The following SPIRE1 variants were observed in gnomAD, a reference collection of about 807,000 sequenced individuals.
The protein encoded by SPIRE1 is spire type actin nucleation factor 1.
A neutral mutation model predicts 94.1 loss-of-function variants in SPIRE1; 40 were observed. The observed-to-expected ratio is 0.43, with a 90% CI of 0.33 to 0.55. The LOEUF is 0.55. Ranked by LOEUF, SPIRE1 falls within the 20% of genes least tolerant of loss-of-function variation. The pLI is 0.06. For missense variants in SPIRE1, 838 were observed against 975.2 expected (o/e 0.86, Z 1.87); for synonymous variants, 376 against 371.7 (o/e 1.01, Z -0.13).
Position 12,546,864 on chromosome 18 carries a change from TC to T in SPIRE1, c.412del (p.Asp138ThrfsTer4). The T allele has an allele frequency of 6.2e-7, 1 of 1,614,018 alleles. No homozygotes were observed. ...TTCTTCATTCTCCTTCAAACCATAGTCCAGTGCTTTATAAATAATAATTCCC... is the reference window on the plus strand; with the variant it reads ...TTCTTCATTCTCCTTCAAACCATAGTCAGTGCTTTATAAATAATAATTCCC... ...SLGIIIYKAL[D>X]YGLKENEERE... is the part of the protein sequence containing the mutation. On this transcript the variant is annotated frameshift_variant, in exon 3 of 17. Transcript: ENST00000409402. LOFTEE classifies it high-confidence loss of function.
Position 12,608,108 on chromosome 18 carries a change from A to C in SPIRE1, c.372+26954T>G, listed in dbSNP as rs1241854013. Reference sequence around the variant, plus strand: ...GGGTGGCGGAGCTTGCAGTGAGCCGAGATCGCGCCACTGCACTCCAGCCTG... The same window carrying C: ...GGGTGGCGGAGCTTGCAGTGAGCCGCGATCGCGCCACTGCACTCCAGCCTG... On this transcript the variant is annotated intron_variant, in intron 2 of 16. Coordinates refer to ENST00000409402, the MANE Select transcript of SPIRE1 (RefSeq NM_001128626.2). Among the ~76,000 whole-genome samples, 3 of 150,846 alleles carry C rather than the reference A, an allele frequency of 2.0e-5. No individual in the cohort carries two copies. The Admixed American group carries it at 2.0e-4, about 10-fold the overall frequency.
At chr18:12,524,869 C>A (rs2034458608) in intron 4 of SPIRE1, among the ~76,000 whole-genome samples, 1 of 151,902 alleles carries the variant, frequency 6.6e-6, no homozygotes, top group South Asian at 2.1e-4. Context: ...GTCCTAGCTA[C>A]TTGAGATGCT....
At position 12,579,202 on chromosome 18, in the gene SPIRE1, C is replaced by CACAT. The variant is rs1246579722; in HGVS notation, c.373-32299_373-32298insATGT. Among the ~76,000 whole-genome samples, 5 of 55,064 alleles carry CACAT rather than the reference C, an allele frequency of 9.1e-5. No individual in the cohort carries two copies. The East Asian group carries it at 1.6e-3, about 18-fold the overall frequency. 36.1% of individuals were successfully genotyped at this position (55,064 alleles called of 152,430 possible). ...GAAAAAGTTTACACACACACACATACACACACACACACACACACACACACA... is the reference window on the plus strand; with the variant it reads ...GAAAAAGTTTACACACACACACATACACATACACACACACACACACACACACACA... On this transcript the variant is annotated intron_variant, in intron 2 of 16. Coordinates refer to ENST00000409402, the MANE Select transcript of SPIRE1 (RefSeq NM_001128626.2).
chr18:12,486,365 T>C (rs996964402), intron 8 of SPIRE1, among the ~76,000 whole-genome samples: 1 of 152,338 alleles, frequency 6.6e-6, no homozygotes, highest in East Asian at 1.9e-4. Context: ...TTAGGGAACA[T>C]ACAACATCTT....
chr18:12,513,733 G>C (rs1395379555), intron 4 of SPIRE1, among the ~76,000 whole-genome samples: 1 of 152,174 alleles, frequency 6.6e-6, no homozygotes, highest in East Asian at 1.9e-4. Context: ...ATGTCGGTCA[G>C]GCTGTTCTCA....
chr18:12,535,210 C>T (rs1422420296), intron 4 of SPIRE1, among the ~76,000 whole-genome samples: 1 of 152,142 alleles, frequency 6.6e-6, no homozygotes, highest in African/African-American at 2.4e-5. Flanking sequence ...TGAACTAGTT[C>T]AGTAGCATTT....
intron 16 of SPIRE1, 44 bp downstream of exon 16, chr18:12,452,208 CTCT>C (rs768533096): frequency 2.7e-4 from 434 of 1,610,972 alleles, no homozygotes; most frequent in Middle Eastern, 6.2e-4. Flanking sequence ...AAGAGTAGAA[CTCT>C]TCTTCTGCAA....
intron 2 of SPIRE1, among the ~76,000 whole-genome samples, chr18:12,615,445 T>C (rs1209329858): frequency 3.9e-5 from 5 of 126,732 alleles, no homozygotes; most frequent in Admixed American, 3.3e-4. Flanking sequence ...GAGGCTGAGG[T>C]AGGAGAATTG....
In SPIRE1 at chr18:12,466,258, A is replaced by G. The variant is rs145155083; in HGVS notation, c.1405-1300T>C. Among the ~76,000 whole-genome samples the G allele has an allele frequency of 5.4e-3, 816 of 152,138 alleles. 5 individuals are homozygous for G. Among genetic ancestry groups the G allele is most frequent in the African/African-American group, 0.019 (771 of 41,506 alleles). On this transcript the variant is annotated intron_variant, in intron 10 of 16. Coordinates refer to ENST00000409402, the MANE Select transcript of SPIRE1 (RefSeq NM_001128626.2). The stretch of plus-strand genomic sequence containing the variant: ...TATGCGAGATAAACATTTACTTGTA[A>G]TTTCTACTTAGTATCTATAGATATA...
intron 9 of SPIRE1, among the ~76,000 whole-genome samples, chr18:12,480,521 C>T (rs1367130080): frequency 5.3e-5 from 8 of 152,114 alleles, no homozygotes; most frequent in Admixed American, 3.9e-4. Flanking sequence ...TACTAACAGA[C>T]GTGGGCTTGT....
At chr18:12,637,267 G>A (rs545098683) in intron 1 of SPIRE1, among the ~76,000 whole-genome samples, 1 of 151,626 alleles carries the variant, frequency 6.6e-6, no homozygotes, top group Admixed American at 6.6e-5. Context: ...GCTGAGGCAG[G>A]AGAATGGCGT....
intron 5 of SPIRE1, among the ~76,000 whole-genome samples, chr18:12,512,004 T>G (rs1289952367): frequency 6.6e-6 from 1 of 152,190 alleles, no homozygotes; most frequent in Non-Finnish European, 1.5e-5. Context: ...CTTCCTGCCT[T>G]GGCCTCCCCA....
At chr18:12,635,865 C>G (rs1004536403) in intron 1 of SPIRE1, among the ~76,000 whole-genome samples, 2 of 151,560 alleles carry the variant, frequency 1.3e-5, no homozygotes, top group Non-Finnish European at 1.5e-5. Flanking sequence ...ATACTGCGTA[C>G]TAGAAAATTG....
At chr18:12,456,978 C>T (rs2031535669) in intron 12 of SPIRE1, among the ~76,000 whole-genome samples, 1 of 152,158 alleles carries the variant, frequency 6.6e-6, no homozygotes, top group Admixed American at 6.5e-5. Flanking sequence ...GCTGGGATTA[C>T]AGGTGTGCAC....
At chr18:12,575,585 T>C (rs1000980615) in intron 2 of SPIRE1, among the ~76,000 whole-genome samples, 1 of 152,174 alleles carries the variant, frequency 6.6e-6, no homozygotes, top group Non-Finnish European at 1.5e-5. Flanking sequence ...TCTCCCAAAG[T>C]GCTGGGATTA....
intron 2 of SPIRE1, among the ~76,000 whole-genome samples, chr18:12,631,992 C>A (rs1410845928): frequency 6.6e-6 from 1 of 151,946 alleles, no homozygotes; most frequent in East Asian, 1.9e-4. Context: ...CTACAGTGAG[C>A]CGTTATCATG....
chr18:12,637,067 GTA>G (rs1309336948), intron 1 of SPIRE1, among the ~76,000 whole-genome samples: 4 of 152,138 alleles, frequency 2.6e-5, no homozygotes, highest in African/African-American at 7.2e-5. Context: ...CTCTTTAAGA[GTA>G]TATGAGTTGG....
chr18:12,533,618 C>T (rs79706675), intron 4 of SPIRE1, among the ~76,000 whole-genome samples: 1 of 151,910 alleles, frequency 6.6e-6, no homozygotes, highest in African/African-American at 2.4e-5. Flanking sequence ...TCTAAGAATG[C>T]CAGTGTTGGA....
At chr18:12,544,128 C>A (rs1411986503) in intron 3 of SPIRE1, among the ~76,000 whole-genome samples, 1 of 152,050 alleles carries the variant, frequency 6.6e-6, no homozygotes. Flanking sequence ...AATAAAATTT[C>A]TAATAGAATT....
Sources: gnomAD v4.1 joint callset for allele counts (sites outside exome capture counted in the v4.1 genomes callset) on GRCh38, gnomAD v4.1.1 for gene constraint, MANE v1.5 for transcripts, NCBI Gene and HGNC (gene_info 2026-07-23, HGNC 2026-07-21) for gene names.